The following GMDS variants were observed in gnomAD, a reference collection of about 807,000 sequenced individuals.
GMDS encodes GDP-mannose 4,6-dehydratase, also known as GDP-mannose 4,6 dehydratase.
Under a neutral mutation model 49.9 loss-of-function variants are expected in GMDS, and 20 were observed. The ratio of observed to expected loss-of-function variants is 0.40; its 90% CI spans 0.28 to 0.58. The LOEUF (loss-of-function observed/expected upper bound fraction) is 0.58. Ranked by LOEUF, GMDS falls within the 20% of genes least tolerant of loss-of-function variation. GMDS has a pLI of 0.42. For synonymous variants in GMDS, 177 were observed against 178.6 expected (o/e 0.99, Z 0.07); for missense variants, 362 against 481.4 (o/e 0.75, Z 2.32).
intron 9 of GMDS, among the ~76,000 whole-genome samples, chr6:1,670,794 G>A (rs188918592): frequency 2.6e-5 from 4 of 152,320 alleles, no homozygotes; most frequent in South Asian, 4.1e-4. Flanking sequence ...AAACGTTGAA[G>A]TCATCTGCAG....
chr6:2,233,779 C>G (rs1039536517), intron 1 of GMDS, among the ~76,000 whole-genome samples: 7 of 152,160 alleles, frequency 4.6e-5, no homozygotes, highest in African/African-American at 1.7e-4. Flanking sequence ...GGGCAGTGAT[C>G]GCGCCACTGC....
chr6:1,943,134 C>T (rs1762898379), intron 6 of GMDS, among the ~76,000 whole-genome samples: 1 of 152,230 alleles, frequency 6.6e-6, no homozygotes, highest in Non-Finnish European at 1.5e-5. Context: ...CCCCTCACAG[C>T]TCTCTCCAGT....
At chr6:1,702,031 C>T (rs141426125) in intron 9 of GMDS, among the ~76,000 whole-genome samples, 8 of 152,316 alleles carry the variant, frequency 5.3e-5, no homozygotes, top group South Asian at 2.1e-4. Context: ...TCTCAAATGA[C>T]GCACGCCTCT....
chr6:1,829,927 G>A (rs938974419), intron 7 of GMDS, among the ~76,000 whole-genome samples: 2 of 152,144 alleles, frequency 1.3e-5, no homozygotes, highest in Non-Finnish European at 2.9e-5. Context: ...GCCTAATTCA[G>A]AATCCTTTTT....
rs149665686 is a variant in GMDS, at chr6:1,989,390, AAG to A, written c.346-28426_346-28425del. On this transcript the variant is annotated intron_variant, in intron 4 of 10. Coordinates refer to ENST00000380815, the MANE Select transcript of GMDS (RefSeq NM_001500.4). ...GGTATGTGGTCAAGGTCAGGGAAAA[AAG>A]AGAGAGAGATAAAGAGTTTGCTCTG... Among the ~76,000 whole-genome samples, 991 of 152,264 alleles carry A rather than the reference AAG, an allele frequency of 6.5e-3. 10 individuals carry two copies. The highest frequency in any genetic ancestry group is 0.022 in the African/African-American group (930 of 41,548).
chr6:2,117,026 G>C (rs998052618), intron 3 of GMDS, among the ~76,000 whole-genome samples: 1 of 152,184 alleles, frequency 6.6e-6, no homozygotes, highest in African/African-American at 2.4e-5. Context: ...CAGTCATTTA[G>C]AACAGTTTTG....
intron 7 of GMDS, among the ~76,000 whole-genome samples, chr6:1,897,081 G>T (rs563521578): frequency 8.5e-5 from 13 of 152,186 alleles, no homozygotes; most frequent in Admixed American, 8.5e-4. Flanking sequence ...CAAGGGAGGC[G>T]AAGGCTGCTT....
At chr6:2,017,926 C>G (rs1423906929) in intron 4 of GMDS, among the ~76,000 whole-genome samples, 4 of 152,148 alleles carry the variant, frequency 2.6e-5, no homozygotes, top group Non-Finnish European at 5.9e-5. Flanking sequence ...CTGAAGAAAG[C>G]TGCATACGCT....
intron 10 of GMDS, 116 bp from the exon 11 acceptor site, chr6:1,624,347 C>T: frequency 7.8e-7 from 1 of 1,289,720 alleles, no homozygotes; most frequent in Admixed American, 1.9e-5. Context: ...GCTCCCCTCA[C>T]TTCTCCCGCA....
intron 9 of GMDS, among the ~76,000 whole-genome samples, chr6:1,690,000 G>T (rs1345202249): frequency 6.6e-6 from 1 of 151,962 alleles, no homozygotes; most frequent in African/African-American, 2.4e-5. Flanking sequence ...ACCTACTAGG[G>T]AGGCTAAGGC....
intron 9 of GMDS, among the ~76,000 whole-genome samples, chr6:1,712,446 T>C (rs574980803): frequency 5.2e-4 from 79 of 152,362 alleles, no homozygotes; most frequent in Non-Finnish European, 1.0e-3. Flanking sequence ...GACTGAAGTG[T>C]TTTTTCTTAT....
intron 4 of GMDS, among the ~76,000 whole-genome samples, chr6:2,031,736 G>A (rs1315736289): frequency 6.6e-6 from 1 of 152,186 alleles, no homozygotes; most frequent in Non-Finnish European, 1.5e-5. Flanking sequence ...TGCCCCAGAG[G>A]CCAGGCAGCT....
chr6:2,223,182 T>C (rs925536474), intron 1 of GMDS, among the ~76,000 whole-genome samples: 4 of 152,104 alleles, frequency 2.6e-5, no homozygotes, highest in African/African-American at 9.7e-5. Flanking sequence ...TATATATCCA[T>C]ATCCATCCAT....
intron 6 of GMDS, among the ~76,000 whole-genome samples, chr6:1,947,931 C>T: frequency 6.6e-6 from 1 of 151,942 alleles, no homozygotes; most frequent in Non-Finnish European, 1.5e-5. Context: ...ATGCATTTTC[C>T]CCTTTATTCC....
chr6:1,691,688 C>T (rs1308437521), intron 9 of GMDS, among the ~76,000 whole-genome samples: 1 of 152,072 alleles, frequency 6.6e-6, no homozygotes, highest in Non-Finnish European at 1.5e-5. Context: ...TTTATTTTGC[C>T]CTAACAGCTT....
At chr6:2,130,916 T>C (rs763785629) in intron 1 of GMDS, among the ~76,000 whole-genome samples, 1 of 152,156 alleles carries the variant, frequency 6.6e-6, no homozygotes, top group Non-Finnish European at 1.5e-5. Context: ...GAGTTTTTGG[T>C]GTTTGTGGCC....
chr6:1,904,940 T>C (rs1760681196), intron 7 of GMDS, among the ~76,000 whole-genome samples: 1 of 151,940 alleles, frequency 6.6e-6, no homozygotes, highest in Non-Finnish European at 1.5e-5. Context: ...AGGGAGATAA[T>C]GGTAGGAAAA....
intron 2 of GMDS, among the ~76,000 whole-genome samples, chr6:2,122,736 T>C (rs1413078526): frequency 1.3e-5 from 2 of 152,196 alleles, no homozygotes; most frequent in African/African-American, 2.4e-5. Flanking sequence ...AGTCCCACAA[T>C]ATGCAGAGAG....
In GMDS at chr6:2,046,156, T is replaced by C. The variant is rs559093595; in HGVS notation, c.345+69615A>G. Among the ~76,000 whole-genome samples, 47 of 152,252 alleles carry C rather than the reference T, an allele frequency of 3.1e-4. 1 individual carries two copies. In the South Asian group the frequency reaches 9.6e-3, roughly 31 times the overall value. ...TGAGCCCAGGGAGCAGAGTCTACAGTGAGCCAAGATCATGCCACTGCACTC... is the reference window on the plus strand; with the variant it reads ...TGAGCCCAGGGAGCAGAGTCTACAGCGAGCCAAGATCATGCCACTGCACTC... On this transcript the variant is annotated intron_variant, in intron 4 of 10. Transcript: ENST00000380815.
Sources: allele counts gnomAD v4.1 joint callset (sites outside exome capture counted in the v4.1 genomes callset), GRCh38; gene constraint gnomAD v4.1.1; transcripts MANE v1.5; gene names NCBI Gene and HGNC (gene_info 2026-07-23, HGNC 2026-07-21).